Variants in P2RY14 observed in about 807,000 individuals in gnomAD.
P2RY14 encodes purinergic receptor P2Y14.
Under a neutral mutation model 0.9 loss-of-function variants are expected in P2RY14, and 2 were observed. That is an observed-to-expected ratio of 2.16 (90% CI 0.88 to 6.79). The LOEUF (loss-of-function observed/expected upper bound fraction) is 6.79. Among genes scored for constraint, P2RY14 ranks in the 30% most tolerant of loss-of-function variants. The probability of loss-of-function intolerance (pLI) is 0.05; values close to 1 mark genes in which losing one functional copy is unlikely to be tolerated. For synonymous variants in P2RY14, 158 were observed against 147.2 expected, an observed-to-expected ratio of 1.07 and a Z score of -0.53; for missense variants, 378 against 400.1, an observed-to-expected ratio of 0.94 and a Z score of 0.47.
intron 1 of P2RY14, among the ~76,000 whole-genome samples, chr3:151,234,526 G>A (rs1732331092): frequency 6.6e-6 from 1 of 152,160 alleles, no homozygotes; most frequent in African/African-American, 2.4e-5. Context: ...TGTATTTTCA[G>A]TTAACCCAGC....
At chr3:151,258,357 C>A (rs145904283) in intron 1 of P2RY14, among the ~76,000 whole-genome samples, 1 of 152,236 alleles carries the variant, frequency 6.6e-6, no homozygotes, top group East Asian at 1.9e-4. Flanking sequence ...TTAGTACTTT[C>A]TAATGTGGTC....
intron 2 of P2RY14, among the ~76,000 whole-genome samples, chr3:151,217,465 C>T (rs79910002): frequency 6.6e-6 from 1 of 152,334 alleles, no homozygotes; most frequent in East Asian, 1.9e-4. Flanking sequence ...ATGGAAGGGA[C>T]TGACTGACCA....
chr3:151,245,392 C>G (rs868353422), intron 1 of P2RY14, among the ~76,000 whole-genome samples: 107 of 150,678 alleles, frequency 7.1e-4, no homozygotes, highest in African/African-American at 2.5e-3. Context: ...CAAACTGAAT[C>G]CAGCAGCACA....
chr3:151,271,204 T>G (rs1740883751), intron 1 of P2RY14, among the ~76,000 whole-genome samples: 1 of 152,130 alleles, frequency 6.6e-6, no homozygotes, highest in South Asian at 2.1e-4. Context: ...AAAAAAATGC[T>G]GAAAAGATGC....
chr3:151,225,503 G>A (rs2149291901), intron 1 of P2RY14, among the ~76,000 whole-genome samples: 1 of 152,206 alleles, frequency 6.6e-6, no homozygotes, highest in African/African-American at 2.4e-5. Context: ...TTGCTCACGA[G>A]GCCTTTGCTA....
At chr3:151,244,655 A>G (rs1346600214) in intron 1 of P2RY14, among the ~76,000 whole-genome samples, 7 of 151,128 alleles carry the variant, frequency 4.6e-5, no homozygotes, top group African/African-American at 1.7e-4. Flanking sequence ...AATGCCCACA[A>G]GAGAAAGCAG....
chr3:151,256,641 A>C (rs1737863066), intron 1 of P2RY14, among the ~76,000 whole-genome samples: 1 of 152,260 alleles, frequency 6.6e-6, no homozygotes, highest in African/African-American at 2.4e-5. Context: ...CAGGAAAGAC[A>C]AAAGCTTATT....
chr3:151,215,430 A>G (rs1457108469), intron 2 of P2RY14, among the ~76,000 whole-genome samples: 1 of 151,764 alleles, frequency 6.6e-6, no homozygotes, highest in East Asian at 1.9e-4. Context: ...CAAATGCTCT[A>G]TTAAATAAAA....
At chr3:151,259,780 AAG>A (rs973249123) in intron 1 of P2RY14, among the ~76,000 whole-genome samples, 1 of 152,154 alleles carries the variant, frequency 6.6e-6, no homozygotes, top group Admixed American at 6.5e-5. Flanking sequence ...TTCCAAACAA[AAG>A]TTTAGAGTCC....
intron 1 of P2RY14, among the ~76,000 whole-genome samples, chr3:151,255,406 G>A (rs538313814): frequency 1.1e-4 from 16 of 152,064 alleles, no homozygotes; most frequent in African/African-American, 2.7e-4. Context: ...TAGAGTAGAC[G>A]GAAAGTCCAC....
chr3:151,214,126 A>C lies in P2RY14; in HGVS notation c.191T>G (p.Val64Gly), dbSNP rs1461561971. 5.0e-6 allele frequency: 8 copies of C among 1,614,020 alleles called. No homozygotes were observed. The highest frequency in any genetic ancestry group is 6.8e-6 in the Non-Finnish European group (8 of 1,179,984). Residue 64 changes from valine (V) to glycine (G), a missense_variant, in exon 3 of 3, where the codon GTT (valine) becomes GGT (glycine). Transcript: ENST00000309170. ...CAGGCTCATCACAAAGTCAGCAATA[A>C]CAATGTTCTTGAGATAGATGATGAA... ...KSFIIYLKNI[V>G]IADFVMSLTF...
intron 1 of P2RY14, among the ~76,000 whole-genome samples, chr3:151,245,460 T>C: frequency 7.2e-6 from 1 of 139,824 alleles, no homozygotes. Flanking sequence ...CAAGGCTGGT[T>C]CAATATACAC....
rs373157813 is a variant in P2RY14, at chr3:151,223,911, A to G, written c.-132-4269T>C. 5.3e-4 allele frequency among the ~76,000 whole-genome samples: 81 copies of G among 152,328 alleles called. 1 individual carries two copies. In the South Asian group the frequency reaches 0.017, roughly 31 times the overall value. On this transcript the variant is annotated intron_variant, in intron 1 of 2. Transcript: ENST00000309170. ...AGCAAGTCCAGCCTCCTTACACCCA[A>G]CCAAATACCTCGTGTTTTAACTTAC...
chr3:151,254,435 A>G lies in P2RY14; in HGVS notation c.-133+23852T>C, dbSNP rs894372870. On this transcript the variant is annotated intron_variant, in intron 1 of 2. Coordinates refer to ENST00000309170, the MANE Select transcript of P2RY14 (RefSeq NM_014879.4). ...AGGGGAAACCTTGCTGTCTTGGTCT[A>G]ATGAGGGCAGGCTTCCCTCTGGGTT... 7.9e-5 allele frequency among the ~76,000 whole-genome samples: 12 copies of G among 152,352 alleles called. No homozygotes were observed. The South Asian group carries it at 2.1e-3, about 26-fold the overall frequency.
At chr3:151,268,253 T>TTA (rs10645730) in intron 1 of P2RY14, among the ~76,000 whole-genome samples, 50,875 of 151,102 alleles carry the variant, frequency 0.34, 8,715 homozygotes, top group East Asian at 0.5. Context: ...CATTTATTAC[T>TTA]TATATATATA....
chr3:151,232,200 A>G (rs1300475199), intron 1 of P2RY14, among the ~76,000 whole-genome samples: 1 of 151,906 alleles, frequency 6.6e-6, no homozygotes. Flanking sequence ...TTCTCTTTCT[A>G]TATACTCCTC....
intron 1 of P2RY14, among the ~76,000 whole-genome samples, chr3:151,265,256 G>A (rs867776344): frequency 1.3e-5 from 2 of 152,196 alleles, no homozygotes; most frequent in South Asian, 4.1e-4. Context: ...TCTATTCTGA[G>A]ACTTTAAATA....
intron 1 of P2RY14, among the ~76,000 whole-genome samples, chr3:151,272,949 A>T (rs1488469534): frequency 2.6e-5 from 4 of 152,208 alleles, no homozygotes; most frequent in African/African-American, 9.6e-5. Flanking sequence ...TGAAGTCCGA[A>T]GTGCTTCAAT....
chr3:151,224,229 A>C (rs1730015608), intron 1 of P2RY14, among the ~76,000 whole-genome samples: 1 of 152,178 alleles, frequency 6.6e-6, no homozygotes, highest in Non-Finnish European at 1.5e-5. Flanking sequence ...TTATAAAGGT[A>C]CAACTTTTAT....
Sources: gnomAD v4.1 joint callset for allele counts (sites outside exome capture counted in the v4.1 genomes callset) on GRCh38, gnomAD v4.1.1 for gene constraint, MANE v1.5 for transcripts, NCBI Gene and HGNC (gene_info 2026-07-23, HGNC 2026-07-21) for gene names.